TENM4: variants seen among roughly 807,000 people sequenced by gnomAD.
TENM4 encodes teneurin transmembrane protein 4, also known as teneurin-4.
Under a neutral mutation model 243.3 loss-of-function variants are expected in TENM4, and 82 were observed. That is an observed-to-expected ratio of 0.34 (90% CI 0.28 to 0.40). The LOEUF is 0.40. TENM4 is among the 10% of genes least tolerant of loss of function. The pLI, the probability that TENM4 is intolerant of heterozygous loss-of-function variation, is 1.00. For synonymous variants in TENM4, 1,412 were observed against 1,456.3 expected (o/e 0.97, Z 0.69); for missense variants, 3,138 against 3,673.3 (o/e 0.85, Z 3.77).
chr11:79,223,404 G>A (rs142950204), intron 2 of TENM4, among the ~76,000 whole-genome samples: 2,088 of 152,136 alleles, frequency 0.014, 49 homozygotes, highest in African/African-American at 0.047. Flanking sequence ...AAAAATTCTG[G>A]GATTTAAAAG....
chr11:78,880,860 C>A (rs74689045), intron 9 of TENM4, among the ~76,000 whole-genome samples: 9 of 151,880 alleles, frequency 5.9e-5, no homozygotes, highest in African/African-American at 2.2e-4. Context: ...CCTGAAACTA[C>A]AGAGACAGAG....
intron 2 of TENM4, among the ~76,000 whole-genome samples, chr11:79,262,637 T>A (rs191732316): frequency 6.6e-6 from 1 of 152,278 alleles, no homozygotes; most frequent in East Asian, 1.9e-4. Flanking sequence ...TGAAAACAAT[T>A]TAAAAAGGAA....
At chr11:79,390,778 T>C (rs117861639) in intron 1 of TENM4, among the ~76,000 whole-genome samples, 1 of 152,204 alleles carries the variant, frequency 6.6e-6, no homozygotes, top group Non-Finnish European at 1.5e-5. Flanking sequence ...TGTCCTGGGT[T>C]TGAATCCTGC....
At chr11:79,422,181 C>T (rs1189136760) in intron 1 of TENM4, 1 of 153,322 alleles carries the variant, frequency 6.5e-6, no homozygotes, top group African/African-American at 2.4e-5. Flanking sequence ...TCTGGTACTC[C>T]TTAAGCTAAT....
intron 6 of TENM4, among the ~76,000 whole-genome samples, chr11:79,020,298 A>T (rs1290822829): frequency 1.3e-5 from 2 of 152,196 alleles, no homozygotes; most frequent in Non-Finnish European, 2.9e-5. Context: ...CAGACACAAA[A>T]AGCACTATTA....
At chr11:79,335,817 A>T (rs1590888727) in intron 1 of TENM4, among the ~76,000 whole-genome samples, 1 of 152,166 alleles carries the variant, frequency 6.6e-6, no homozygotes, top group African/African-American at 2.4e-5. Context: ...GCTTGCAGTG[A>T]CTAATTCTGC....
chr11:79,270,256 G>A (rs1420075750), intron 2 of TENM4, among the ~76,000 whole-genome samples: 1 of 152,162 alleles, frequency 6.6e-6, no homozygotes, highest in Non-Finnish European at 1.5e-5. Flanking sequence ...CTGGCACTTA[G>A]CACTTATGGG....
chr11:78,815,093 G>A (rs1414283750), intron 12 of TENM4, among the ~76,000 whole-genome samples: 2 of 152,192 alleles, frequency 1.3e-5, no homozygotes. Flanking sequence ...AGACAAAGAC[G>A]TTCTCTTTTC....
At chr11:79,155,890 G>T (rs1015451046) in intron 3 of TENM4, among the ~76,000 whole-genome samples, 4 of 151,686 alleles carry the variant, frequency 2.6e-5, no homozygotes, top group African/African-American at 4.9e-5. Context: ...CTCCTGACTG[G>T]GTTCCTTGAC....
chr11:79,347,038 A>C (rs1419303792), intron 1 of TENM4, among the ~76,000 whole-genome samples: 1 of 152,120 alleles, frequency 6.6e-6, no homozygotes, highest in African/African-American at 2.4e-5. Flanking sequence ...TTCCCCTTTC[A>C]GACCAATTTG....
intron 6 of TENM4, among the ~76,000 whole-genome samples, chr11:78,934,997 C>CATTT (rs1191791018): frequency 1.2e-5 from 1 of 81,114 alleles, no homozygotes; most frequent in African/African-American, 5.3e-5. Flanking sequence ...AAGTATGCAA[C>CATTT]TTTTTTTTTT....
At chr11:79,256,451 G>C (rs914395371) in intron 2 of TENM4, among the ~76,000 whole-genome samples, 11 of 152,204 alleles carry the variant, frequency 7.2e-5, no homozygotes, top group African/African-American at 2.2e-4. Flanking sequence ...CACATCACCA[G>C]GCACTGGCAG....
rs193000449 is a variant in TENM4, at chr11:78,672,177, G to A, written c.5649C>T (p.Val1883=). 156 of 1,613,982 alleles carry A rather than the reference G, an allele frequency of 9.7e-5. No individual in the cohort carries two copies. In the African/African-American group the frequency reaches 1.5e-3, roughly 16 times the overall value. The stretch of plus-strand genomic sequence containing the variant: ...AACCCCCAGGGGAGTATGTCACGTT[G>A]ACACCATTCAGCCTGCTGCTGGGTG... ...LWSPSSRLNG[V]NVTYSPGGYI... The change falls in exon 31 of 34, where the codon GTC becomes GTT. Residue 1883 remains valine (V), a synonymous_variant. Transcript: ENST00000278550.
intron 6 of TENM4, among the ~76,000 whole-genome samples, chr11:79,010,217 C>A (rs548078655): frequency 1.1e-4 from 17 of 152,232 alleles, no homozygotes; most frequent in South Asian, 4.1e-4. Context: ...ACCTGGCTAC[C>A]TTTACATGAT....
chr11:78,828,516 G>C (rs1173532602), intron 12 of TENM4, among the ~76,000 whole-genome samples: 3 of 152,182 alleles, frequency 2.0e-5, no homozygotes, highest in Admixed American at 2.0e-4. Flanking sequence ...ATTATAATGC[G>C]TGTTGGTCAG....
intron 2 of TENM4, among the ~76,000 whole-genome samples, chr11:79,224,850 C>T (rs1417808765): frequency 6.6e-6 from 1 of 151,896 alleles, no homozygotes; most frequent in Non-Finnish European, 1.5e-5. Context: ...ACTCGGGAGG[C>T]TGAGACAGGA....
chr11:78,879,463 G>A lies in TENM4; in HGVS notation c.1084+10322C>T, dbSNP rs34193407. 4.2e-3 allele frequency among the ~76,000 whole-genome samples: 585 copies of A among 140,058 alleles called. 2 individuals are homozygous for A. Among genetic ancestry groups the A allele is most frequent in the African/African-American group, 0.014 (515 of 36,758 alleles). 91.9% of individuals were successfully genotyped at this position (140,058 alleles called of 152,430 possible). On this transcript the variant is annotated intron_variant, in intron 9 of 33. Transcript: ENST00000278550. ...AGGTGGGGAGTGCCTCTGCCCGGCC[G>A]CCACACCGTCTGGGAGGTGAGGAGC...
chr11:79,177,905 C>T (rs1863198958), intron 3 of TENM4, among the ~76,000 whole-genome samples: 1 of 152,070 alleles, frequency 6.6e-6, no homozygotes, highest in South Asian at 2.1e-4. Context: ...AGCTTTTCCT[C>T]TGAGATGGGG....
chr11:79,134,204 C>T (rs762882233), intron 4 of TENM4, among the ~76,000 whole-genome samples: 397 of 152,138 alleles, frequency 2.6e-3, no homozygotes, highest in Non-Finnish European at 4.3e-3. Flanking sequence ...ACACCAACAG[C>T]GACCAAGTGG....
Sources: gnomAD v4.1 joint callset for allele counts (sites outside exome capture counted in the v4.1 genomes callset) on GRCh38, gnomAD v4.1.1 for gene constraint, MANE v1.5 for transcripts, NCBI Gene and HGNC (gene_info 2026-07-23, HGNC 2026-07-21) for gene names.